The following DNAAF4 variants were observed in gnomAD, a reference collection of about 807,000 sequenced individuals.
The protein encoded by DNAAF4 is dynein assembly factor 4, axonemal.
Under a neutral mutation model 51.8 loss-of-function variants are expected in DNAAF4, and 43 were observed. That is an observed-to-expected ratio of 0.83 (90% CI 0.65 to 1.07). The LOEUF (loss-of-function observed/expected upper bound fraction) is 1.07. Among genes scored for constraint, DNAAF4 ranks in the 50% least tolerant of loss-of-function variants. The probability of loss-of-function intolerance (pLI) is 0.00; values close to 1 mark genes in which losing one functional copy is unlikely to be tolerated. For missense variants in DNAAF4, 581 were observed against 493.0 expected (o/e 1.18, Z -1.69); for synonymous variants, 194 against 165.6 (o/e 1.17, Z -1.32).
chr15:55,438,651 G>A (rs113373456), intron 7 of DNAAF4, among the ~76,000 whole-genome samples: 5 of 152,010 alleles, frequency 3.3e-5, no homozygotes, highest in African/African-American at 1.2e-4. Context: ...CAGGTGTGGC[G>A]GTGGATGCCT....
chr15:55,498,353 G>C lies in DNAAF4; in HGVS notation c.-24C>G. On this transcript the variant is annotated 5_prime_UTR_variant, in exon 2 of 10. Coordinates refer to ENST00000321149, the MANE Select transcript of DNAAF4 (RefSeq NM_130810.4). ...ATTCCGGTAGCAACGGGAGCGGATA[G>C]CGCGGCTGGTTGCTTCTTGCGCCTG... 6.3e-7 allele frequency: 1 copy of C among 1,592,132 alleles called. No homozygotes were observed. Among genetic ancestry groups the C allele is most frequent in the Non-Finnish European group, 8.6e-7 (1 of 1,165,826 alleles).
At position 55,456,399 on chromosome 15, in the gene DNAAF4, A is replaced by G. The variant is rs895676281; in HGVS notation, c.638-6032T>C. 1.1e-4 allele frequency among the ~76,000 whole-genome samples: 16 copies of G among 152,296 alleles called. 1 individual carries two copies. The highest frequency in any genetic ancestry group is 7.2e-4 in the Admixed American group (11 of 15,284). On this transcript the variant is annotated intron_variant, in intron 5 of 9. Transcript: ENST00000321149. ...ATCCGGCGGAAAATGCATCCAAAAC[A>G]AAGTTTAATATTCTAAAATTAGATA... is the stretch of plus-strand genomic sequence containing the variant.
chr15:55,443,419 T>A (rs1434676669), intron 6 of DNAAF4: 4 of 601,760 alleles, frequency 6.6e-6, no homozygotes, highest in South Asian at 6.2e-5. Flanking sequence ...CACACATTAC[T>A]GCCACATTTT....
chr15:55,479,636 T>C (rs1595938487), intron 4 of DNAAF4, among the ~76,000 whole-genome samples: 2 of 152,224 alleles, frequency 1.3e-5, no homozygotes, highest in South Asian at 4.2e-4. Context: ...AGCCTATAAA[T>C]GGACATGCAA....
intron 5 of DNAAF4, among the ~76,000 whole-genome samples, chr15:55,461,077 T>TC (rs1255727715): frequency 6.6e-6 from 1 of 151,346 alleles, no homozygotes; most frequent in East Asian, 1.9e-4. Flanking sequence ...CTCAATAATT[T>TC]TTTTTTTTTG....
intron 6 of DNAAF4, among the ~76,000 whole-genome samples, chr15:55,448,228 T>C (rs1433985912): frequency 6.6e-6 from 1 of 152,146 alleles, no homozygotes; most frequent in Non-Finnish European, 1.5e-5. Context: ...GATTTGCGTA[T>C]GTTGAACCAG....
At chr15:55,431,246 C>T (rs1455616477) in intron 9 of DNAAF4, among the ~76,000 whole-genome samples, 3 of 151,846 alleles carry the variant, frequency 2.0e-5, no homozygotes, top group African/African-American at 7.3e-5. Flanking sequence ...AAAATAAATG[C>T]TATATTTTCT....
chr15:55,451,606 T>G (rs1444239319), intron 5 of DNAAF4, among the ~76,000 whole-genome samples: 1 of 139,522 alleles, frequency 7.2e-6, no homozygotes, highest in Non-Finnish European at 1.5e-5. Flanking sequence ...ACTAAAAATT[T>G]TGTGAATAAT....
chr15:55,448,525 T>TGTGC (rs1266246439), intron 6 of DNAAF4, among the ~76,000 whole-genome samples: 1 of 27,514 alleles, frequency 3.6e-5, no homozygotes, highest in African/African-American at 1.4e-4. Flanking sequence ...AAAGGGTGTG[T>TGTGC]GTGTGTGTGT....
chr15:55,500,521 G>C (rs924216915), intron 1 of DNAAF4, among the ~76,000 whole-genome samples: 17 of 152,072 alleles, frequency 1.1e-4, no homozygotes, highest in African/African-American at 4.1e-4. Flanking sequence ...AGAAATATGT[G>C]AGATTTTATA....
intron 7 of DNAAF4, among the ~76,000 whole-genome samples, chr15:55,435,361 T>C (rs1424948719): frequency 6.6e-6 from 1 of 152,202 alleles, no homozygotes; most frequent in Non-Finnish European, 1.5e-5. Context: ...TTGTTCTACT[T>C]AGGATGAAGC....
Position 55,457,840 on chromosome 15 carries a change from C to T in DNAAF4, c.638-7473G>A, listed in dbSNP as rs565215850. Among the ~76,000 whole-genome samples the T allele has an allele frequency of 2.6e-5, 4 of 152,326 alleles. No homozygotes were observed. The South Asian group carries it at 6.2e-4, about 24-fold the overall frequency. ...CCACCAGAACAGGTGCTGGTATCCACGGCTGGGAGACCTGTGGATCACATC... is the reference window on the plus strand; with the variant it reads ...CCACCAGAACAGGTGCTGGTATCCATGGCTGGGAGACCTGTGGATCACATC... On this transcript the variant is annotated intron_variant, in intron 5 of 9. Coordinates refer to ENST00000321149, the MANE Select transcript of DNAAF4 (RefSeq NM_130810.4).
chr15:55,507,589 T>C (rs1165003844), intron 1 of DNAAF4, among the ~76,000 whole-genome samples: 3 of 152,158 alleles, frequency 2.0e-5, no homozygotes, highest in African/African-American at 7.2e-5. Context: ...TCTGTAAAGA[T>C]AGGCACTAGA....
intron 6 of DNAAF4, among the ~76,000 whole-genome samples, chr15:55,439,980 T>G (rs1403399376): frequency 1.3e-5 from 2 of 152,188 alleles, no homozygotes; most frequent in East Asian, 3.8e-4. Flanking sequence ...CTATAAGAAA[T>G]GACTGTTTAT....
chr15:55,441,545 T>C (rs1595897803), intron 6 of DNAAF4, among the ~76,000 whole-genome samples: 1 of 152,100 alleles, frequency 6.6e-6, no homozygotes, highest in East Asian at 1.9e-4. Context: ...GTGTATCTCC[T>C]AATGCTATCC....
In DNAAF4 at chr15:55,500,439, A is replaced by C. The variant is rs540456127; in HGVS notation, c.-255-1855T>G. Among the ~76,000 whole-genome samples, 3 of 152,252 alleles carry C rather than the reference A, an allele frequency of 2.0e-5. No homozygotes were observed. In the South Asian group the frequency reaches 6.2e-4, roughly 32 times the overall value. On this transcript the variant is annotated intron_variant, in intron 1 of 9. Coordinates refer to ENST00000321149, the MANE Select transcript of DNAAF4 (RefSeq NM_130810.4). The stretch of plus-strand genomic sequence containing the variant: ...TTACCATATTGTTTCCAAATCTTAC[A>C]TTATCTTCTAAAGACAGGGTTTATG...
intron 1 of DNAAF4, among the ~76,000 whole-genome samples, chr15:55,501,341 C>G (rs979754683): frequency 1.4e-5 from 2 of 138,116 alleles, no homozygotes; most frequent in Non-Finnish European, 3.1e-5. Context: ...GGATTACAGG[C>G]GTGAGCCACT....
At chr15:55,428,484 CTTTTTTTTTTTTTTT>C (rs747325376), downstream of DNAAF4, among the ~76,000 whole-genome samples, 2 of 85,012 alleles carry the variant, frequency 2.4e-5, no homozygotes, top group African/African-American at 8.3e-5. Flanking sequence ...TCTTTTTTTT[CTTTTTTTTTTTTTTT>C]TTTTTTTTTT....
At chr15:55,481,649 G>A (rs1209557750) in intron 4 of DNAAF4, among the ~76,000 whole-genome samples, 1 of 152,078 alleles carries the variant, frequency 6.6e-6, no homozygotes, top group African/African-American at 2.4e-5. Context: ...TAATCCGCAC[G>A]AAGCAATTAC....
Sources: gnomAD v4.1 joint callset for allele counts (sites outside exome capture counted in the v4.1 genomes callset) on GRCh38, gnomAD v4.1.1 for gene constraint, MANE v1.5 for transcripts, NCBI Gene and HGNC (gene_info 2026-07-23, HGNC 2026-07-21) for gene names.